SASH1: variants seen among roughly 807,000 people sequenced by gnomAD.
SASH1 encodes the protein SAM and SH3 domain containing 1, also known as SAM and SH3 domain-containing protein 1.
A neutral mutation model predicts 125.2 loss-of-function variants in SASH1; 44 were observed. The observed-to-expected ratio is 0.35, with a 90% CI of 0.28 to 0.45. The LOEUF (loss-of-function observed/expected upper bound fraction) is 0.45, where lower values mean the gene tolerates loss of function less well. Ranked by LOEUF, SASH1 falls within the 20% of genes least tolerant of loss-of-function variation. The pLI is 1.00. For synonymous variants in SASH1, 639 were observed against 649.1 expected, an observed-to-expected ratio of 0.98 and a Z score of 0.24; for missense variants, 1,426 against 1,614.5, an observed-to-expected ratio of 0.88 and a Z score of 2.00.
chr6:148,360,644 G>GCCC (rs948720689), intron 1 of SASH1, among the ~76,000 whole-genome samples: 1 of 105,172 alleles, frequency 9.5e-6, no homozygotes, highest in Non-Finnish European at 2.0e-5. Context: ...CCACCCCCCC[G>GCCC]CCAGGCTTTA....
intron 7 of SASH1, among the ~76,000 whole-genome samples, chr6:148,482,005 T>C (rs1467089863): frequency 1.3e-5 from 2 of 151,928 alleles, no homozygotes; most frequent in African/African-American, 2.4e-5. Context: ...AGGGCTTACA[T>C]AGCTCTTGGC....
At chr6:148,247,811 T>G in the SASH1 span, among the ~76,000 whole-genome samples, 1 of 152,260 alleles carries the variant, frequency 6.6e-6, no homozygotes, top group Non-Finnish European at 1.5e-5. Context: ...AATACTTTCA[T>G]GCTACTGTAG....
intron 2 of SASH1, among the ~76,000 whole-genome samples, chr6:148,421,030 G>A (rs924891408): frequency 6.6e-5 from 10 of 151,872 alleles, no homozygotes; most frequent in African/African-American, 2.4e-4. Flanking sequence ...GTTGTGATGA[G>A]CCGAGATTCC....
rs1237132159 is a variant in SASH1 at position 148,551,674 on chromosome 6, A to G, written c.*3116A>G. 2 of 152,742 alleles carry G rather than the reference A, an allele frequency of 1.3e-5. No individual in the cohort carries two copies. The highest frequency in any genetic ancestry group is 2.1e-4 in the South Asian group (1 of 4,830). The allele number at this position is 152,742 out of a possible 1,614,324, so 9.5% of individuals were successfully genotyped here. On this transcript the variant is annotated 3_prime_UTR_variant, in exon 20 of 20. Transcript: ENST00000367467. ...GTGTGTACTGTATTATTTTCAGAAA[A>G]AAATATAATAGTCTGAGTCCAAGTT...
rs141603869 is a variant in SASH1 at position 148,544,706 on chromosome 6, C to T, written c.3236C>T (p.Pro1079Leu). The T allele has an allele frequency of 3.0e-4, 491 of 1,611,330 alleles. 5 individuals are homozygous for T. The Middle Eastern group carries it at 9.2e-3, about 30-fold the overall frequency. ...SLQEHGVKLGPALTRKVSCAR... is the reference protein window; with the variant it reads ...SLQEHGVKLGLALTRKVSCAR... ...CAGGAGCACGGTGTGAAGCTGGGCC[C>T]GGCTTTGACCAGGAAGGTCTCCTGT... Residue 1079 changes from proline (P) to leucine (L), a missense_variant, in exon 18 of 20, where the codon CCG becomes CTG. Pro to Leu is a moderately conservative substitution (Grantham distance 98). Around this residue, in one of 3 missense-constraint regions of SASH1, gnomAD observed 634 missense variants for 694.4 expected, o/e 0.91. Coordinates refer to ENST00000367467, the MANE Select transcript of SASH1 (RefSeq NM_015278.5). The surrounding 1 kb of genome is among the most constrained non-coding windows in gnomAD (Gnocchi z 6.4).
Position 148,440,253 on chromosome 6 carries a change from A to G in SASH1, c.336+19A>G, listed in dbSNP as rs1340336467. The G allele has an allele frequency of 6.2e-7, 1 of 1,613,238 alleles. No homozygotes were observed. The highest frequency in any genetic ancestry group is 8.5e-7 in the Non-Finnish European group (1 of 1,179,748). On this transcript the variant is annotated intron_variant, in intron 3 of 19. Coordinates refer to ENST00000367467, the MANE Select transcript of SASH1 (RefSeq NM_015278.5). Reference sequence around the variant, plus strand: ...GATCGAAGTAAGCACAATGACTTTAATCATCTAGTTTTGCTTCTGCCTTTT... The same window carrying G: ...GATCGAAGTAAGCACAATGACTTTAGTCATCTAGTTTTGCTTCTGCCTTTT...
chr6:148,207,111 A>G, the SASH1 span, among the ~76,000 whole-genome samples: 1 of 152,136 alleles, frequency 6.6e-6, no homozygotes, highest in Non-Finnish European at 1.5e-5. Context: ...ATCCCATTAC[A>G]TTGGGTTTTC....
At chr6:148,267,246 C>T in the SASH1 span, among the ~76,000 whole-genome samples, 37 of 152,210 alleles carry the variant, frequency 2.4e-4, no homozygotes, top group African/African-American at 8.7e-4. Flanking sequence ...ATCAAGTCAG[C>T]GGTTCTAAAC....
At chr6:148,377,211 C>A (rs9498021) in intron 1 of SASH1, among the ~76,000 whole-genome samples, 2,175 of 57,114 alleles carry the variant, frequency 0.038, 105 homozygotes, top group African/African-American at 0.056. Flanking sequence ...AAAAACAAAA[C>A]AAACAAACAA....
At chr6:148,535,017 G>A in intron 16 of SASH1, 116 bp downstream of exon 16, 4 of 1,168,486 alleles carry the variant, frequency 3.4e-6, no homozygotes, top group Non-Finnish European at 4.9e-6. Flanking sequence ...TGTTCTTTCT[G>A]TTACAAGAGT....
chr6:148,433,201 T>C (rs1019309814), intron 2 of SASH1, among the ~76,000 whole-genome samples: 3 of 152,310 alleles, frequency 2.0e-5, no homozygotes, highest in Admixed American at 6.5e-5. Flanking sequence ...AGTAAGATTT[T>C]TGATCACCTG....
At chr6:148,538,206 G>T (rs1781988576) in intron 16 of SASH1, among the ~76,000 whole-genome samples, 1 of 152,172 alleles carries the variant, frequency 6.6e-6, no homozygotes, top group African/African-American at 2.4e-5. Flanking sequence ...GTCTGCTGAG[G>T]CTGGGGTCCC....
chr6:148,298,254 C>T (rs1013482077), intron 1 of SASH1, among the ~76,000 whole-genome samples: 2 of 152,222 alleles, frequency 1.3e-5, no homozygotes, highest in East Asian at 3.9e-4. Context: ...CTTGGGTGAT[C>T]TGCCCACCAC....
In SASH1 at chr6:148,529,094, G is replaced by A. The variant is rs909265080; in HGVS notation, c.1428+1498G>A. Among the ~76,000 whole-genome samples, 4 of 152,104 alleles carry A rather than the reference G, an allele frequency of 2.6e-5. No individual in the cohort carries two copies. The highest frequency in any genetic ancestry group is 2.1e-4 in the South Asian group (1 of 4,828). ...GGAGGTGGAGCTCAGACAGTAATGC[G>A]GGTAATGGAGAGTGGCTGTGAAAAC... On this transcript the variant is annotated intron_variant, in intron 12 of 19. Transcript: ENST00000367467. The surrounding 1 kb of genome is among the most constrained non-coding windows in gnomAD (Gnocchi z 4.2).
chr6:148,382,315 G>A (rs1053179242), intron 1 of SASH1, among the ~76,000 whole-genome samples: 10 of 151,996 alleles, frequency 6.6e-5, no homozygotes, highest in Non-Finnish European at 1.3e-4. Context: ...AGAGTGTGAC[G>A]GTCTCGCTCT....
chr6:148,243,964 A>G, the SASH1 span, among the ~76,000 whole-genome samples: 3 of 152,162 alleles, frequency 2.0e-5, no homozygotes, highest in African/African-American at 7.2e-5. Flanking sequence ...CTCCTCTGAC[A>G]ACTACACCAG....
intron 4 of SASH1, among the ~76,000 whole-genome samples, chr6:148,446,298 C>T (rs1474181176): frequency 2.0e-5 from 3 of 151,592 alleles, no homozygotes; most frequent in South Asian, 2.1e-4. Flanking sequence ...TTAGTAGAGA[C>T]GGGGTTTCAC....
At chr6:148,204,312 C>G in the SASH1 span, among the ~76,000 whole-genome samples, 1 of 152,290 alleles carries the variant, frequency 6.6e-6, no homozygotes, top group South Asian at 2.1e-4. Flanking sequence ...CAAAAGAGAC[C>G]AATTTCACAG....
chr6:148,233,840 G>A, the SASH1 span, among the ~76,000 whole-genome samples: 1 of 150,034 alleles, frequency 6.7e-6, no homozygotes, highest in African/African-American at 2.5e-5. Flanking sequence ...TTGAGCCCAG[G>A]AGTTTGAGGC....
Sources: allele counts gnomAD v4.1 joint callset (sites outside exome capture counted in the v4.1 genomes callset), GRCh38; gene constraint gnomAD v4.1.1; regional missense constraint gnomAD v4.1.1; non-coding constraint Gnocchi (gnomAD v3.1); transcripts MANE v1.5; gene names NCBI Gene and HGNC (gene_info 2026-07-23, HGNC 2026-07-21).